ATAD3A: variants seen among roughly 807,000 people sequenced by gnomAD.
ATAD3A encodes ATPase family AAA domain-containing protein 3A.
Under a neutral mutation model 73.8 loss-of-function variants are expected in ATAD3A, and 46 were observed. The observed-to-expected ratio is 0.62, with a 90% confidence interval of 0.49 to 0.80. ATAD3A has a LOEUF of 0.80. ATAD3A is among the 30% of genes least tolerant of loss of function. The pLI, the probability that ATAD3A is intolerant of heterozygous loss-of-function variation, is 0.00. For missense variants in ATAD3A, 705 were observed against 838.0 expected (o/e 0.84, Z 1.96); for synonymous variants, 319 against 350.0 (o/e 0.91, Z 0.99).
chr1:1,512,373 C>T lies in ATAD3A; in HGVS notation c.105C>T (p.Arg35=), dbSNP rs1004732117. The T allele has an allele frequency of 5.6e-6, 7 of 1,241,554 alleles. No homozygotes were observed. The highest frequency in any genetic ancestry group is 7.1e-6 in the Non-Finnish European group (7 of 988,454). 76.9% of individuals were successfully genotyped at this position (1,241,554 alleles called of 1,614,324 possible). Reference sequence around the variant, plus strand: ...CCGGGGCCGAGGGCGGCGGGGACCGCGGGTTGGGAGACCGGCCGGCGCCCA... The same window carrying T: ...CCGGGGCCGAGGGCGGCGGGGACCGTGGGTTGGGAGACCGGCCGGCGCCCA... ...AQPGAEGGGD[R]GLGDRPAPKD... Residue 35 remains arginine (R), a synonymous_variant, in exon 1 of 16, where the codon CGC becomes CGT. Coordinates refer to ENST00000378756, the MANE Select transcript of ATAD3A (RefSeq NM_001170535.3).
Position 1,520,743 on chromosome 1 carries a change from C to A in ATAD3A, c.750+126C>A. 1 of 1,466,240 alleles carries A rather than the reference C, an allele frequency of 6.8e-7. No individual in the cohort carries two copies. The highest frequency in any genetic ancestry group is 9.3e-7 in the Non-Finnish European group (1 of 1,072,540). The allele number at this position is 1,466,240 out of a possible 1,614,324, so 90.8% of individuals were successfully genotyped here. A position where few individuals can be genotyped will look rare whatever the true frequency, so the allele number is the denominator to read the frequency against. ...TGTAGCTCTCCCAGCAGGGAGGAAG[C>A]CCACGTTGTACCTGCTGGCCTCGGC... On this transcript the variant is annotated intron_variant, in intron 7 of 15. Transcript: ENST00000378756. This position sits in a 1 kb window ranked among gnomAD's most constrained non-coding sequence, Gnocchi z 4.0.
At position 1,534,102 on chromosome 1, in the gene ATAD3A, C is replaced by T. The variant is rs749040002; in HGVS notation, c.*30C>T. ...ACAGGGAGATCCACAGCTCACGGAG[C>T]CTGGCCGCGGACCCCTCCCACCCCT... On this transcript the variant is annotated 3_prime_UTR_variant, in exon 16 of 16. Coordinates refer to ENST00000378756, the MANE Select transcript of ATAD3A (RefSeq NM_001170535.3). 15 of 1,613,148 alleles carry T rather than the reference C, an allele frequency of 9.3e-6. No individual in the cohort carries two copies. The East Asian group carries it at 3.3e-4, about 36-fold the overall frequency.
rs1287444803 is a variant in ATAD3A at position 1,512,534 on chromosome 1, G to A, written c.205+61G>A. On this transcript the variant is annotated intron_variant, in intron 1 of 15. Transcript: ENST00000378756. ...GGCGGGACGGGCCGGGGAAGCGGGA[G>A]CCCTGGCCCTTGCCGCTCCTCGCCG... The A allele has an allele frequency of 7.3e-6, 10 of 1,372,832 alleles. No individual in the cohort carries two copies. The African/African-American group carries it at 1.4e-4, about 19-fold the overall frequency. 85.0% of individuals were successfully genotyped at this position (1,372,832 alleles called of 1,614,324 possible). A position where few individuals can be genotyped will look rare whatever the true frequency, so the allele number is the denominator to read the frequency against.
In ATAD3A at chr1:1,525,429, T is replaced by TG. The variant is rs1641773788; in HGVS notation, c.1266+138_1266+139insG. 1.4e-5 allele frequency: 17 copies of TG among 1,220,112 alleles called. No homozygotes were observed. The East Asian group carries it at 3.4e-4, about 25-fold the overall frequency. The allele number at this position is 1,220,112 out of a possible 1,614,324, so 75.6% of individuals were successfully genotyped here. On this transcript the variant is annotated intron_variant, in intron 12 of 15. Coordinates refer to ENST00000378756, the MANE Select transcript of ATAD3A (RefSeq NM_001170535.3). The stretch of plus-strand genomic sequence containing the variant: ...GAAAAACAGCTTTTTTTTTTTTTTT[T>TG]TTTGAGAAGAAATCTCGCTCTATCA...
rs1342292945 is a variant in ATAD3A, at chr1:1,529,332, G to C, written c.1614+1G>C. On this transcript the variant is annotated splice_donor_variant, in intron 15 of 15. Coordinates refer to ENST00000378756, the MANE Select transcript of ATAD3A (RefSeq NM_001170535.3). LOFTEE classifies it high-confidence loss of function. Reference sequence around the variant, plus strand: ...CGCTCAGCTGGCCGTGTCCTGGCAGGTGAGTCAGGCTCCGGCACGTCCACC... The same window carrying C: ...CGCTCAGCTGGCCGTGTCCTGGCAGCTGAGTCAGGCTCCGGCACGTCCACC... 6.3e-7 allele frequency: 1 copy of C among 1,576,176 alleles called. No homozygotes were observed. The highest frequency in any genetic ancestry group is 8.6e-7 in the Non-Finnish European group (1 of 1,160,940).
Position 1,534,265 on chromosome 1 carries a change from G to C in ATAD3A, c.*193G>C. On this transcript the variant is annotated 3_prime_UTR_variant, in exon 16 of 16. Transcript: ENST00000378756. ...AGGGCACCCCCTGTTGTAGGCACTG[G>C]CTAGGGAGGGGCAGGCCTCCTTCCT... is the stretch of plus-strand genomic sequence containing the variant. 1 of 1,461,104 alleles carries C rather than the reference G, an allele frequency of 6.8e-7. No individual in the cohort carries two copies. The highest frequency in any genetic ancestry group is 9.0e-7 in the Non-Finnish European group (1 of 1,114,766). The allele number at this position is 1,461,104 out of a possible 1,614,324, so 90.5% of individuals were successfully genotyped here.
chr1:1,521,949 G>C (rs759008869), intron 7 of ATAD3A, among the ~76,000 whole-genome samples: 1 of 152,184 alleles, frequency 6.6e-6, no homozygotes, highest in South Asian at 2.1e-4. Context: ...GGCTGGTCAC[G>C]AACTTCTGAC....
At chr1:1,515,075 A>G (rs1641312814) in intron 1 of ATAD3A, among the ~76,000 whole-genome samples, 2 of 152,034 alleles carry the variant, frequency 1.3e-5, no homozygotes, top group Non-Finnish European at 2.9e-5. Context: ...GGGTTTCGCC[A>G]TGTTGGCCCG....
chr1:1,525,472 T>C lies in ATAD3A; in HGVS notation c.1266+181T>C, dbSNP rs1266884066. ...CTCTATCACCCAGGCTGGAGTGCAA[T>C]GGCCCCATCTCGGCTCACTGCAAGC... On this transcript the variant is annotated intron_variant, in intron 12 of 15. Transcript: ENST00000378756. 9.0e-5 allele frequency among the ~76,000 whole-genome samples: 13 copies of C among 143,774 alleles called. No homozygotes were observed. In the Admixed American group the frequency reaches 9.3e-4, roughly 10 times the overall value. 94.3% of individuals were successfully genotyped at this position (143,774 alleles called of 152,430 possible).
rs964673193 is a variant in ATAD3A, at chr1:1,523,248, C to A, written c.907-263C>A. On this transcript the variant is annotated intron_variant, in intron 8 of 15. Coordinates refer to ENST00000378756, the MANE Select transcript of ATAD3A (RefSeq NM_001170535.3). The surrounding 1 kb of genome is among the most constrained non-coding windows in gnomAD (Gnocchi z 5.1). ...CCTCCCTGGGGAGCCGCGCCGCTCG[C>A]CGCCCCCGAGGTGCCTGCTCTCCAC... Among the ~76,000 whole-genome samples the A allele has an allele frequency of 6.6e-6, 1 of 151,998 alleles. No homozygotes were observed. Among genetic ancestry groups the A allele is most frequent in the Non-Finnish European group, 1.5e-5 (1 of 67,978 alleles).
intron 13 of ATAD3A, among the ~76,000 whole-genome samples, chr1:1,526,938 A>G (rs893267766): frequency 5.9e-5 from 9 of 152,070 alleles, no homozygotes; most frequent in African/African-American, 2.2e-4. Context: ...GAAGTTGGAC[A>G]CCAGCAGGTC....
chr1:1,525,353 G>A, intron 12 of ATAD3A, 62 bp downstream of exon 12: 1 of 1,602,026 alleles, frequency 6.2e-7, no homozygotes, highest in South Asian at 1.1e-5. Flanking sequence ...CGTCTGCCTG[G>A]GCCAGGCTGC....
chr1:1,515,581 G>A (rs1641329103), intron 1 of ATAD3A, among the ~76,000 whole-genome samples: 1 of 152,166 alleles, frequency 6.6e-6, no homozygotes, highest in African/African-American at 2.4e-5. Context: ...TGAGCTTGTT[G>A]GCTGGTATCC....
At position 1,534,246 on chromosome 1, in the gene ATAD3A, C is replaced by A; in HGVS notation, c.*174C>A. On this transcript the variant is annotated 3_prime_UTR_variant, in exon 16 of 16. Transcript: ENST00000378756. ...GTCGGCCGTTCTGCCCCCCAGGGCA[C>A]CCCCTGTTGTAGGCACTGGCTAGGG... The A allele has an allele frequency of 1.3e-6, 2 of 1,490,892 alleles. No individual in the cohort carries two copies. The highest frequency in any genetic ancestry group is 2.2e-5 in the Admixed American group (1 of 46,392). 92.4% of individuals were successfully genotyped at this position (1,490,892 alleles called of 1,614,324 possible). A position where few individuals can be genotyped will look rare whatever the true frequency, so the allele number is the denominator to read the frequency against.
rs777978849 is a variant in ATAD3A, at chr1:1,520,348, C to T, written c.680+42C>T. On this transcript the variant is annotated intron_variant, in intron 6 of 15. Coordinates refer to ENST00000378756, the MANE Select transcript of ATAD3A (RefSeq NM_001170535.3). This position sits in a 1 kb window ranked among gnomAD's most constrained non-coding sequence, Gnocchi z 4.0. ...CCCGGGCCGGCCACAGATGGAGCCC[C>T]GCAGGTGTGAGTCGCTGGTCCCAGG... is the stretch of plus-strand genomic sequence containing the variant. 106 of 1,604,064 alleles carry T rather than the reference C, an allele frequency of 6.6e-5. No homozygotes were observed. Among genetic ancestry groups the T allele is most frequent in the Admixed American group, 1.0e-4 (6 of 59,758 alleles).
rs1028244940 is a variant in ATAD3A at position 1,512,447 on chromosome 1, A to T, written c.179A>T (p.Lys60Met). The change falls in exon 1 of 16, where the codon AAG (lysine) becomes ATG (methionine). Residue 60 changes from lysine (K) to methionine (M), a missense_variant. Coordinates refer to ENST00000378756, the MANE Select transcript of ATAD3A (RefSeq NM_001170535.3). ...CCCACCGGCCTGGAGCGCGCCGCCA[A>T]GGCGGCGCGCGAGCTGGAGCACTCG... ...FDPTGLERAAKAARELEHSRY... is the reference protein window; with the variant it reads ...FDPTGLERAAMAARELEHSRY... 13 of 1,152,008 alleles carry T rather than the reference A, an allele frequency of 1.1e-5. No individual in the cohort carries two copies. Among genetic ancestry groups the T allele is most frequent in the African/African-American group, 1.8e-5 (1 of 57,044 alleles). 71.4% of individuals were successfully genotyped at this position (1,152,008 alleles called of 1,614,324 possible). A position where few individuals can be genotyped will look rare whatever the true frequency, so the allele number is the denominator to read the frequency against.
At position 1,534,561 on chromosome 1, in the gene ATAD3A, ACC is replaced by A. The variant is rs1642163447; in HGVS notation, c.*491_*492del. 4 of 307,188 alleles carry A rather than the reference ACC, an allele frequency of 1.3e-5. No individual in the cohort carries two copies. 19.0% of individuals were successfully genotyped at this position (307,188 alleles called of 1,614,324 possible). On this transcript the variant is annotated 3_prime_UTR_variant, in exon 16 of 16. Coordinates refer to ENST00000378756, the MANE Select transcript of ATAD3A (RefSeq NM_001170535.3). ...TGCCCCGATCTTTCACACACTGGTG[ACC>A]CTGAGAGAGGAGGGAGGAGGGAACC...
chr1:1,526,603 G>T (rs1247417099), intron 13 of ATAD3A, 72 bp downstream of exon 13: 58 of 1,607,606 alleles, frequency 3.6e-5, no homozygotes, highest in Non-Finnish European at 4.5e-5. Context: ...CCCACCGAGG[G>T]ACCTGAGGGG....
chr1:1,518,286 A>AC (rs888659437), intron 4 of ATAD3A, among the ~76,000 whole-genome samples: 5 of 104,940 alleles, frequency 4.8e-5, no homozygotes, highest in South Asian at 7.8e-4. Flanking sequence ...ACAGGTACGT[A>AC]CCCCCCCACA....
Sources: gnomAD v4.1 joint callset for allele counts (sites outside exome capture counted in the v4.1 genomes callset) on GRCh38, gnomAD v4.1.1 for gene constraint, Gnocchi (gnomAD v3.1) non-coding constraint, MANE v1.5 for transcripts, NCBI Gene and HGNC (gene_info 2026-07-23, HGNC 2026-07-21) for gene names.